Variants in ARHGAP15 observed in about 807,000 individuals in gnomAD.
The protein encoded by ARHGAP15 is Rho GTPase activating protein 15, also known as rho GTPase-activating protein 15.
A neutral mutation model predicts 63.7 loss-of-function variants in ARHGAP15; 51 were observed. That is an observed-to-expected ratio of 0.80 (90% CI 0.64 to 1.01). ARHGAP15 has a LOEUF of 1.01. Among genes scored for constraint, ARHGAP15 ranks in the 50% least tolerant of loss-of-function variants. The probability of loss-of-function intolerance (pLI) is 0.00; values close to 1 mark genes in which losing one functional copy is unlikely to be tolerated. For synonymous variants in ARHGAP15, 191 were observed against 193.8 expected (o/e 0.99, Z 0.12); for missense variants, 560 against 564.6 (o/e 0.99, Z 0.08).
At chr2:143,142,946 C>T (rs778513114) in intron 1 of ARHGAP15, among the ~76,000 whole-genome samples, 9 of 152,104 alleles carry the variant, frequency 5.9e-5, no homozygotes, top group Non-Finnish European at 1.0e-4. Flanking sequence ...ATTCTCCCAA[C>T]TATTTAATAC....
At chr2:143,577,698 G>A (rs1030330604) in intron 11 of ARHGAP15, among the ~76,000 whole-genome samples, 1 of 152,090 alleles carries the variant, frequency 6.6e-6, no homozygotes, top group Non-Finnish European at 1.5e-5. Flanking sequence ...AACCAAAATT[G>A]TGTCATTAAC....
chr2:143,767,280 C>A (rs2072953712), intron 13 of ARHGAP15, among the ~76,000 whole-genome samples: 1 of 152,084 alleles, frequency 6.6e-6, no homozygotes, highest in African/African-American at 2.4e-5. Flanking sequence ...AAGTCATTAC[C>A]ATTAATAAAA....
chr2:143,132,690 C>T (rs1688958673), intron 1 of ARHGAP15, among the ~76,000 whole-genome samples: 1 of 152,186 alleles, frequency 6.6e-6, no homozygotes, highest in Non-Finnish European at 1.5e-5. Context: ...AAAGAGGGGT[C>T]TCCTGATGTA....
chr2:143,417,702 A>G (rs931383716), intron 6 of ARHGAP15, among the ~76,000 whole-genome samples: 2 of 152,200 alleles, frequency 1.3e-5, no homozygotes, highest in African/African-American at 4.8e-5. Flanking sequence ...AACTTGAGCG[A>G]TACTGTCTCT....
intron 9 of ARHGAP15, among the ~76,000 whole-genome samples, chr2:143,506,640 CA>C (rs1446423363): frequency 6.6e-6 from 1 of 152,128 alleles, no homozygotes; most frequent in East Asian, 1.9e-4. Flanking sequence ...AAATGAAAAG[CA>C]GAAAATATCA....
Position 143,301,006 on chromosome 2 carries a change from C to G in ARHGAP15, c.474+50406C>G, listed in dbSNP as rs193277709. Among the ~76,000 whole-genome samples, 573 of 151,984 alleles carry G rather than the reference C, an allele frequency of 3.8e-3. 5 individuals carry two copies. Among genetic ancestry groups the G allele is most frequent in the African/African-American group, 0.013 (526 of 41,490 alleles). ...CACTTTTTTTTCTATAAGTCAAACC[C>G]TCAGCATGAACTCTAAGACAATGCC... On this transcript the variant is annotated intron_variant, in intron 6 of 13. Transcript: ENST00000295095.
At chr2:143,190,680 G>A (rs1015280473) in intron 2 of ARHGAP15, among the ~76,000 whole-genome samples, 9 of 152,180 alleles carry the variant, frequency 5.9e-5, no homozygotes, top group Non-Finnish European at 1.2e-4. Flanking sequence ...TCTGAATGAT[G>A]GCTGTTGCAG....
intron 3 of ARHGAP15, among the ~76,000 whole-genome samples, chr2:143,208,700 TG>T (rs1171936935): frequency 6.6e-6 from 1 of 152,180 alleles, no homozygotes; most frequent in East Asian, 1.9e-4. Flanking sequence ...ATTTGTTTCC[TG>T]ATCTTGTATA....
At chr2:143,544,897 C>T (rs1359558205) in intron 10 of ARHGAP15, among the ~76,000 whole-genome samples, 1 of 152,160 alleles carries the variant, frequency 6.6e-6, no homozygotes, top group Non-Finnish European at 1.5e-5. Context: ...CCTGTACTCT[C>T]AAAAAGAAAA....
intron 10 of ARHGAP15, among the ~76,000 whole-genome samples, chr2:143,552,725 C>T (rs1034701733): frequency 5.3e-5 from 8 of 152,272 alleles, no homozygotes; most frequent in African/African-American, 1.9e-4. Flanking sequence ...ATTTTTCATA[C>T]TACCATTAAT....
intron 1 of ARHGAP15, among the ~76,000 whole-genome samples, chr2:143,134,411 AAC>A (rs1689047255): frequency 1.3e-5 from 2 of 152,284 alleles, no homozygotes; most frequent in Admixed American, 1.3e-4. Context: ...ACTGCATCTC[AAC>A]ACAGTTTTAT....
rs1684456694 is a variant in ARHGAP15, at chr2:143,330,111, AAAAAAAAAAAAAAAAAAAAAC to A, written c.474+79512_474+79532del. On this transcript the variant is annotated intron_variant, in intron 6 of 13. Coordinates refer to ENST00000295095, the MANE Select transcript of ARHGAP15 (RefSeq NM_018460.4). Reference sequence around the variant, plus strand: ...CTCTGTCTCAAAAAAAAAAAAAAAAAAAAAAAAAAAAAAAAAAAAACCAAAAACAAAAAACTAAACTAATGA... The same window carrying A: ...CTCTGTCTCAAAAAAAAAAAAAAAAACAAAAACAAAAAACTAAACTAATGA... 5.8e-5 allele frequency among the ~76,000 whole-genome samples: 5 copies of A among 85,968 alleles called. 1 individual carries two copies. The highest frequency in any genetic ancestry group is 2.9e-4 in the Admixed American group (2 of 6,862). 56.4% of individuals were successfully genotyped at this position (85,968 alleles called of 152,430 possible).
chr2:143,363,810 C>T (rs1213047774), intron 6 of ARHGAP15, among the ~76,000 whole-genome samples: 1 of 152,164 alleles, frequency 6.6e-6, no homozygotes, highest in Non-Finnish European at 1.5e-5. Context: ...ATGGGACTTG[C>T]CTGTCTTCTT....
At chr2:143,346,646 T>C (rs576580151) in intron 6 of ARHGAP15, among the ~76,000 whole-genome samples, 1 of 152,296 alleles carries the variant, frequency 6.6e-6, no homozygotes, top group East Asian at 1.9e-4. Context: ...GAGAATCATT[T>C]TGAAGTGCTC....
At chr2:143,666,170 A>G (rs1389185060) in intron 12 of ARHGAP15, among the ~76,000 whole-genome samples, 1 of 151,438 alleles carries the variant, frequency 6.6e-6, no homozygotes, top group Non-Finnish European at 1.5e-5. Context: ...TTCAAACTAT[A>G]CTACAAGACT....
intron 6 of ARHGAP15, among the ~76,000 whole-genome samples, chr2:143,275,951 G>A (rs899048026): frequency 2.6e-5 from 4 of 152,156 alleles, no homozygotes; most frequent in African/African-American, 9.7e-5. Flanking sequence ...TAAGCTATTA[G>A]GTACCTTTGG....
intron 12 of ARHGAP15, among the ~76,000 whole-genome samples, chr2:143,627,055 C>G (rs775130245): frequency 6.6e-6 from 1 of 152,178 alleles, no homozygotes; most frequent in African/African-American, 2.4e-5. Flanking sequence ...AAGTTGCCAT[C>G]TATTAGCCAG....
At chr2:143,757,618 G>T (rs1686626170) in intron 13 of ARHGAP15, among the ~76,000 whole-genome samples, 1 of 151,990 alleles carries the variant, frequency 6.6e-6, no homozygotes, top group Non-Finnish European at 1.5e-5. Flanking sequence ...GCACAAAAAA[G>T]GCAGTACCAC....
At chr2:143,693,416 G>T (rs960111832) in intron 12 of ARHGAP15, among the ~76,000 whole-genome samples, 3 of 152,168 alleles carry the variant, frequency 2.0e-5, no homozygotes, top group African/African-American at 7.2e-5. Context: ...AAATGGCAAA[G>T]AATTCTACTC....
Sources: allele counts gnomAD v4.1 joint callset (sites outside exome capture counted in the v4.1 genomes callset), GRCh38; gene constraint gnomAD v4.1.1; transcripts MANE v1.5; gene names NCBI Gene and HGNC (gene_info 2026-07-23, HGNC 2026-07-21).